The following COL24A1 variants were observed in gnomAD, a reference collection of about 807,000 sequenced individuals.
COL24A1 encodes the protein collagen type XXIV alpha 1 chain.
Under a neutral mutation model 253.9 loss-of-function variants are expected in COL24A1, and 224 were observed. The observed-to-expected ratio is 0.88, with a 90% CI of 0.79 to 0.99. The LOEUF (loss-of-function observed/expected upper bound fraction) is 0.99, where lower values mean the gene tolerates loss of function less well. Ranked by LOEUF, COL24A1 falls within the 50% of genes least tolerant of loss-of-function variation. COL24A1 has a pLI of 0.00. For synonymous variants in COL24A1, 685 were observed against 673.7 expected (o/e 1.02, Z -0.26); for missense variants, 2,131 against 2,068.5 (o/e 1.03, Z -0.59).
Position 85,781,210 on chromosome 1 carries a change from A to T in COL24A1, c.4338+10T>A. ...AAGAGTACAAAAGACTTGTATTATGATAAACTTACAGTTCTACCTGTTGGG... is the reference window on the plus strand; with the variant it reads ...AAGAGTACAAAAGACTTGTATTATGTTAAACTTACAGTTCTACCTGTTGGG... On this transcript the variant is annotated intron_variant, in intron 52 of 59. Coordinates refer to ENST00000370571, the MANE Select transcript of COL24A1 (RefSeq NM_152890.7). 6.3e-7 allele frequency: 1 copy of T among 1,578,902 alleles called. No individual in the cohort carries two copies. The highest frequency in any genetic ancestry group is 8.6e-7 in the Non-Finnish European group (1 of 1,158,064).
At chr1:85,834,018 A>G (rs1313616702) in intron 43 of COL24A1, among the ~76,000 whole-genome samples, 2 of 151,154 alleles carry the variant, frequency 1.3e-5, no homozygotes, top group African/African-American at 4.9e-5. Flanking sequence ...CTAATGCTAA[A>G]TGATGAGTTA....
At chr1:86,000,788 A>G (rs909772458) in intron 19 of COL24A1, among the ~76,000 whole-genome samples, 4 of 152,190 alleles carry the variant, frequency 2.6e-5, no homozygotes, top group Non-Finnish European at 5.9e-5. Context: ...GTCATAAACA[A>G]TTGGCTCCAT....
chr1:85,735,702 G>C (rs138570425), intron 58 of COL24A1, among the ~76,000 whole-genome samples: 1 of 151,900 alleles, frequency 6.6e-6, no homozygotes, highest in Non-Finnish European at 1.5e-5. Context: ...CTGACTGCAC[G>C]TTTCCCAGGC....
At chr1:85,909,714 G>C (rs1391758643) in intron 26 of COL24A1, among the ~76,000 whole-genome samples, 1 of 151,780 alleles carries the variant, frequency 6.6e-6, no homozygotes, top group Non-Finnish European at 1.5e-5. Context: ...AAATTGTGGT[G>C]GTCAAATTCC....
rs189671336 is a variant in COL24A1 at position 86,028,259 on chromosome 1, T to C, written c.2049+3619A>G. 2.3e-3 allele frequency among the ~76,000 whole-genome samples: 343 copies of C among 152,296 alleles called. 4 individuals are homozygous for C. The highest frequency in any genetic ancestry group is 8.0e-3 in the African/African-American group (332 of 41,560). ...GGAAAGGCATGATTGTGTTTTGAAA[T>C]GTGAGGACATGAGATTTGGGAGGAG... On this transcript the variant is annotated intron_variant, in intron 14 of 59. Coordinates refer to ENST00000370571, the MANE Select transcript of COL24A1 (RefSeq NM_152890.7).
intron 37 of COL24A1, among the ~76,000 whole-genome samples, chr1:85,858,812 C>T (rs1404105993): frequency 6.6e-6 from 1 of 151,780 alleles, no homozygotes; most frequent in Non-Finnish European, 1.5e-5. Flanking sequence ...ATGATCATGG[C>T]TCACTGCAGC....
At chr1:86,109,574 C>A (rs191798597) in intron 5 of COL24A1, among the ~76,000 whole-genome samples, 3 of 152,122 alleles carry the variant, frequency 2.0e-5, no homozygotes, top group Admixed American at 6.5e-5. Flanking sequence ...AGACTTGAAC[C>A]CACATCTGTC....
At chr1:86,045,548 G>C (rs977513071) in intron 12 of COL24A1, among the ~76,000 whole-genome samples, 1 of 151,704 alleles carries the variant, frequency 6.6e-6, no homozygotes, top group African/African-American at 2.4e-5. Context: ...ATGTGTATGA[G>C]AGCTAAAACA....
At chr1:86,143,345 G>C (rs12727039) in intron 2 of COL24A1, among the ~76,000 whole-genome samples, 32,762 of 152,046 alleles carry the variant, frequency 0.22, 4,315 homozygotes, top group Non-Finnish European at 0.3. Flanking sequence ...GGAGTACTTG[G>C]TGCGTTTGGG....
intron 11 of COL24A1, among the ~76,000 whole-genome samples, chr1:86,048,023 G>C (rs1700029662): frequency 6.6e-6 from 1 of 152,130 alleles, no homozygotes; most frequent in Non-Finnish European, 1.5e-5. Context: ...AGGTGAGCAA[G>C]AGGACTCATT....
intron 6 of COL24A1, among the ~76,000 whole-genome samples, chr1:86,091,834 T>C (rs1267101882): frequency 1.3e-5 from 2 of 152,130 alleles, no homozygotes; most frequent in South Asian, 2.1e-4. Flanking sequence ...AAGATAGTGG[T>C]GACCGCTTCT....
intron 12 of COL24A1, among the ~76,000 whole-genome samples, chr1:86,039,565 G>A (rs1699303037): frequency 6.6e-6 from 1 of 151,996 alleles, no homozygotes; most frequent in Admixed American, 6.6e-5. Context: ...TCTAGAGGAA[G>A]GTTTAGAAAC....
At chr1:86,022,314 A>AC (rs397741763) in intron 17 of COL24A1, 21 bp from the exon 18 acceptor site, 4 of 1,597,240 alleles carry the variant, frequency 2.5e-6, no homozygotes, top group Non-Finnish European at 3.4e-6. Flanking sequence ...AGAATAACAG[A>AC]AGAGAAAGTT....
intron 20 of COL24A1, among the ~76,000 whole-genome samples, chr1:85,980,743 C>T (rs1390579828): frequency 1.3e-5 from 2 of 152,072 alleles, no homozygotes; most frequent in Non-Finnish European, 2.9e-5. Flanking sequence ...CCCGTCTCTA[C>T]TAAAAATACA....
intron 5 of COL24A1, 78 bp downstream of exon 5, chr1:86,112,489 G>T: frequency 7.8e-7 from 1 of 1,282,926 alleles, no homozygotes. Flanking sequence ...TGCCTTAAAT[G>T]TTAGGGATCT....
intron 3 of COL24A1, among the ~76,000 whole-genome samples, chr1:86,115,943 A>G (rs1469813806): frequency 1.8e-5 from 2 of 110,782 alleles, no homozygotes; most frequent in South Asian, 7.2e-4. Flanking sequence ...AATGATTTAT[A>G]AAATAAAGTA....
intron 10 of COL24A1, among the ~76,000 whole-genome samples, chr1:86,051,390 A>G (rs1700288077): frequency 6.6e-6 from 1 of 150,930 alleles, no homozygotes; most frequent in Admixed American, 6.6e-5. Context: ...AGAATGACCA[A>G]CTTTGCCTAG....
intron 32 of COL24A1, among the ~76,000 whole-genome samples, chr1:85,886,173 G>A (rs1027698346): frequency 4.6e-5 from 7 of 151,368 alleles, no homozygotes; most frequent in African/African-American, 1.7e-4. Context: ...TCAGCCTCTC[G>A]AGTAGCTGGG....
intron 19 of COL24A1, among the ~76,000 whole-genome samples, chr1:86,004,189 C>G (rs1469434848): frequency 6.6e-6 from 1 of 152,178 alleles, no homozygotes; most frequent in African/African-American, 2.4e-5. Context: ...TGGCAAATTT[C>G]TTACATTGGG....
Sources: gnomAD v4.1 joint callset for allele counts (sites outside exome capture counted in the v4.1 genomes callset) on GRCh38, gnomAD v4.1.1 for gene constraint, MANE v1.5 for transcripts, NCBI Gene and HGNC (gene_info 2026-07-23, HGNC 2026-07-21) for gene names.